Variants in CHIC2 observed in about 807,000 individuals in gnomAD.
The protein encoded by CHIC2 is cysteine rich hydrophobic domain 2.
Under a neutral mutation model 25.9 loss-of-function variants are expected in CHIC2, and 14 were observed. That is an observed-to-expected ratio of 0.54 (90% CI 0.36 to 0.85). The LOEUF is 0.85. CHIC2 is among the 40% of genes least tolerant of loss of function. CHIC2 has a pLI of 0.01. For missense variants in CHIC2, 146 were observed against 202.0 expected (o/e 0.72, Z 1.68); for synonymous variants, 70 against 72.0 (o/e 0.97, Z 0.14).
chr4:54,079,832 C>T, the CHIC2 span, among the ~76,000 whole-genome samples: 1 of 151,428 alleles, frequency 6.6e-6, no homozygotes, highest in East Asian at 1.9e-4. Context: ...TGGCTATTAT[C>T]CAAAAGATAA....
the CHIC2 span, chr4:54,087,714 G>T: frequency 3.8e-6 from 2 of 530,790 alleles, no homozygotes; most frequent in South Asian, 8.2e-5. Context: ...ATCTGGCAAA[G>T]AATTCTGCAT....
At chr4:54,022,113 G>A (rs1232492480) in intron 3 of CHIC2, among the ~76,000 whole-genome samples, 4 of 152,082 alleles carry the variant, frequency 2.6e-5, no homozygotes, top group East Asian at 1.9e-4. Flanking sequence ...GCCAAGGAAT[G>A]CCCTGCAGCC....
chr4:54,030,878 A>ATT (rs537614908), intron 3 of CHIC2, among the ~76,000 whole-genome samples: 25 of 139,006 alleles, frequency 1.8e-4, no homozygotes, highest in African/African-American at 4.7e-4. Context: ...AACATTGAGA[A>ATT]TTTTTTTTTT....
the CHIC2 span, among the ~76,000 whole-genome samples, chr4:54,082,050 G>A: frequency 2.0e-5 from 3 of 152,220 alleles, no homozygotes; most frequent in Admixed American, 6.5e-5. Flanking sequence ...GGTTGATCCC[G>A]AACATAATGG....
At chr4:54,065,204 G>T, upstream of CHIC2, 1 of 531,672 alleles carries the variant, frequency 1.9e-6, no homozygotes, top group Non-Finnish European at 2.4e-6. Flanking sequence ...ATCCCCTTAA[G>T]TATAATCCAA....
intron 1 of CHIC2, among the ~76,000 whole-genome samples, chr4:54,062,870 T>C (rs1274581158): frequency 6.6e-6 from 1 of 152,140 alleles, no homozygotes; most frequent in Non-Finnish European, 1.5e-5. Flanking sequence ...ATCCATGATA[T>C]TTGGTTATAC....
chr4:54,063,958 G>T (rs926580720), intron 1 of CHIC2, among the ~76,000 whole-genome samples: 1 of 152,266 alleles, frequency 6.6e-6, no homozygotes, highest in Non-Finnish European at 1.5e-5. Flanking sequence ...CATCGCCCGG[G>T]CCTGTAGGGC....
upstream of CHIC2, chr4:54,064,666 C>CG (rs1443758944): frequency 2.9e-6 from 3 of 1,037,326 alleles, no homozygotes; most frequent in African/African-American, 3.4e-5. This position sits in a 1 kb window ranked among gnomAD's most constrained non-coding sequence, Gnocchi z 4.2. Context: ...CGAGACTTCC[C>CG]GGGCCAACGG....
At chr4:54,082,330 C>T in the CHIC2 span, among the ~76,000 whole-genome samples, 1 of 152,238 alleles carries the variant, frequency 6.6e-6, no homozygotes, top group African/African-American at 2.4e-5. Context: ...CTGAGCAATG[C>T]TCATGGCAAT....
intron 1 of CHIC2, among the ~76,000 whole-genome samples, chr4:54,052,126 T>TC (rs71200355): frequency 6.7e-6 from 1 of 149,452 alleles, no homozygotes; most frequent in Non-Finnish European, 1.5e-5. Flanking sequence ...GCCAAAACCT[T>TC]TTTTTTTAAT....
At chr4:54,079,214 AAAGC>A in the CHIC2 span, among the ~76,000 whole-genome samples, 10 of 152,014 alleles carry the variant, frequency 6.6e-5, no homozygotes, top group Non-Finnish European at 1.3e-4. Flanking sequence ...GACTCCATTT[AAAGC>A]AAACAAAGAA....
intron 1 of CHIC2, among the ~76,000 whole-genome samples, chr4:54,055,327 G>C (rs73818150): frequency 1.1e-3 from 164 of 152,114 alleles, no homozygotes; most frequent in African/African-American, 3.8e-3. Flanking sequence ...CACTCCAGTC[G>C]TGTAGGTGGC....
chr4:54,043,100 C>A (rs1196738512), intron 3 of CHIC2, among the ~76,000 whole-genome samples: 1 of 152,132 alleles, frequency 6.6e-6, no homozygotes, highest in East Asian at 1.9e-4. Context: ...TGCTTGAGTC[C>A]AGAAGTTTGA....
chr4:54,037,664 C>T (rs1350700558), intron 3 of CHIC2, among the ~76,000 whole-genome samples: 1 of 152,040 alleles, frequency 6.6e-6, no homozygotes, highest in Non-Finnish European at 1.5e-5. Flanking sequence ...GTATTCAAGG[C>T]TGTAAAATAA....
intron 3 of CHIC2, among the ~76,000 whole-genome samples, chr4:54,029,050 G>A (rs1433412992): frequency 6.6e-6 from 1 of 151,860 alleles, no homozygotes; most frequent in Admixed American, 6.6e-5. Flanking sequence ...TCGAACTGGG[G>A]AGGTGGAGAT....
At chr4:54,027,397 T>C (rs1716095134) in intron 3 of CHIC2, among the ~76,000 whole-genome samples, 1 of 152,198 alleles carries the variant, frequency 6.6e-6, no homozygotes, top group African/African-American at 2.4e-5. Flanking sequence ...AACTTAGTAA[T>C]GCGGTTTAAT....
intron 3 of CHIC2, among the ~76,000 whole-genome samples, chr4:54,015,382 G>A (rs1024701105): frequency 2.6e-5 from 4 of 152,066 alleles, no homozygotes; most frequent in African/African-American, 9.7e-5. Flanking sequence ...ACAATGATCA[G>A]CAGACCTCAC....
At chr4:54,046,164 T>C (rs1358440032) in intron 3 of CHIC2, among the ~76,000 whole-genome samples, 1 of 148,034 alleles carries the variant, frequency 6.8e-6, no homozygotes, top group Non-Finnish European at 1.5e-5. Flanking sequence ...TACAAACAAA[T>C]GGAAGAACAT....
chr4:54,087,552 T>A, the CHIC2 span: 1 of 1,155,266 alleles, frequency 8.7e-7, no homozygotes, highest in Non-Finnish European at 1.2e-6. Context: ...GCAGAAATCC[T>A]CTTGGCTCAC....
Sources: gnomAD v4.1 joint callset for allele counts (sites outside exome capture counted in the v4.1 genomes callset) on GRCh38, gnomAD v4.1.1 for gene constraint, Gnocchi (gnomAD v3.1) non-coding constraint, MANE v1.5 for transcripts, NCBI Gene and HGNC (gene_info 2026-07-23, HGNC 2026-07-21) for gene names.